Variants in TMEM65 observed in about 807,000 individuals in gnomAD.
The protein encoded by TMEM65 is transmembrane protein 65.
Under a neutral mutation model 25.4 loss-of-function variants are expected in TMEM65, and 22 were observed. The ratio of observed to expected loss-of-function variants is 0.86; its 90% CI spans 0.62 to 1.23. The LOEUF (loss-of-function observed/expected upper bound fraction) is 1.23, where lower values mean the gene tolerates loss of function less well. TMEM65 is among the 50% of genes most tolerant of loss of function. TMEM65 has a pLI of 0.00. For synonymous variants in TMEM65, 132 were observed against 126.2 expected (o/e 1.05, Z -0.31); for missense variants, 262 against 308.2 (o/e 0.85, Z 1.12).
intron 1 of TMEM65, among the ~76,000 whole-genome samples, chr8:124,370,466 A>T (rs1421687965): frequency 6.6e-6 from 1 of 152,234 alleles, no homozygotes; most frequent in Non-Finnish European, 1.5e-5. Context: ...CTGAGTGCAC[A>T]CATAGATTAC....
intron 1 of TMEM65, among the ~76,000 whole-genome samples, chr8:124,339,062 G>A (rs868512958): frequency 9.3e-5 from 14 of 150,624 alleles, no homozygotes; most frequent in African/African-American, 2.9e-4. Flanking sequence ...GGTGGCAGGC[G>A]CCTGTAGTCC....
At chr8:124,331,940 A>C (rs900686160) in intron 1 of TMEM65, among the ~76,000 whole-genome samples, 1 of 152,130 alleles carries the variant, frequency 6.6e-6, no homozygotes, top group African/African-American at 2.4e-5. Context: ...GGTATTTTCC[A>C]AGTTCCATAA....
intron 6 of TMEM65, among the ~76,000 whole-genome samples, chr8:124,317,156 T>C (rs903325659): frequency 3.3e-5 from 5 of 152,200 alleles, no homozygotes; most frequent in Non-Finnish European, 7.4e-5. Context: ...ATTTTGCAGG[T>C]AAAAATTGTT....
chr8:124,322,736 A>T (rs938347189), intron 4 of TMEM65, among the ~76,000 whole-genome samples: 1 of 152,026 alleles, frequency 6.6e-6, no homozygotes, highest in Non-Finnish European at 1.5e-5. Flanking sequence ...GGTGGCTCAC[A>T]TCTGTAATCC....
At chr8:124,322,056 GA>G in intron 5 of TMEM65, 48 bp downstream of exon 5, 1 of 1,339,528 alleles carries the variant, frequency 7.5e-7, no homozygotes, top group Non-Finnish European at 1.0e-6. Context: ...GTGGGGAACA[GA>G]AAGACAGCAA....
intron 2 of TMEM65, among the ~76,000 whole-genome samples, chr8:124,327,819 AT>A (rs1814385506): frequency 6.6e-6 from 1 of 152,162 alleles, no homozygotes; most frequent in Non-Finnish European, 1.5e-5. Flanking sequence ...GTCTGATATT[AT>A]AAAATCGATT....
intron 1 of TMEM65, among the ~76,000 whole-genome samples, chr8:124,331,144 ACTCTT>A (rs781019998): frequency 6.6e-6 from 1 of 151,778 alleles, no homozygotes; most frequent in Non-Finnish European, 1.5e-5. Flanking sequence ...AAATAAAGGT[ACTCTT>A]CTTTCAGATG....
Position 124,308,167 on chromosome 8 carries a change from A to G in TMEM65, c.*5793T>C, listed in dbSNP as rs944692137. The G allele has an allele frequency of 6.6e-6, 1 of 152,234 alleles. No individual in the cohort carries two copies. Among genetic ancestry groups the G allele is most frequent in the Non-Finnish European group, 1.5e-5 (1 of 68,062 alleles). 9.4% of individuals were successfully genotyped at this position (152,234 alleles called of 1,614,324 possible). A position where few individuals can be genotyped will look rare whatever the true frequency, so the allele number is the denominator to read the frequency against. ...TGAAGTCAGGAAGTACCTTGCCAGT[A>G]AAGGACTGCCTTTTAAAGTTGTTTT... On this transcript the variant is annotated 3_prime_UTR_variant, in exon 7 of 7. Coordinates refer to ENST00000297632, the MANE Select transcript of TMEM65 (RefSeq NM_194291.3).
intron 1 of TMEM65, among the ~76,000 whole-genome samples, chr8:124,361,083 T>C (rs1280916640): frequency 6.6e-6 from 1 of 152,220 alleles, no homozygotes. Flanking sequence ...CAAATACTGA[T>C]ACAAAACAGT....
At chr8:124,336,892 T>C (rs1166444873) in intron 1 of TMEM65, among the ~76,000 whole-genome samples, 2 of 151,694 alleles carry the variant, frequency 1.3e-5, no homozygotes, top group Non-Finnish European at 3.0e-5. Context: ...GCTATACTGA[T>C]AGACAAAAAG....
chr8:124,370,217 G>T (rs997855587), intron 1 of TMEM65, among the ~76,000 whole-genome samples: 8 of 152,244 alleles, frequency 5.3e-5, no homozygotes, highest in Middle Eastern at 6.8e-3. Context: ...AAATTATTCA[G>T]TCACCTTGCA....
In TMEM65 at chr8:124,311,396, A is replaced by G. The variant is rs79362569; in HGVS notation, c.*2564T>C. On this transcript the variant is annotated 3_prime_UTR_variant, in exon 7 of 7. Coordinates refer to ENST00000297632, the MANE Select transcript of TMEM65 (RefSeq NM_194291.3). ...ATCAAAACCACATTCCAAATTTCTT[A>G]AAAGATACTTTTTTTGTTCAATTCC... is the stretch of plus-strand genomic sequence containing the variant. 6.7e-4 allele frequency: 103 copies of G among 152,742 alleles called. No homozygotes were observed. Among genetic ancestry groups the G allele is most frequent in the African/African-American group, 2.5e-3 (103 of 41,556 alleles). The allele number at this position is 152,742 out of a possible 1,614,324, so 9.5% of individuals were successfully genotyped here. A position where few individuals can be genotyped will look rare whatever the true frequency, so the allele number is the denominator to read the frequency against.
At chr8:124,325,597 A>AT (rs1301959970) in intron 3 of TMEM65, among the ~76,000 whole-genome samples, 2 of 152,038 alleles carry the variant, frequency 1.3e-5, no homozygotes, top group African/African-American at 2.4e-5. Flanking sequence ...ATGGCCCATA[A>AT]GCCCCTGAAA....
chr8:124,349,744 A>T (rs1814682593), intron 1 of TMEM65, among the ~76,000 whole-genome samples: 1 of 152,138 alleles, frequency 6.6e-6, no homozygotes, highest in Non-Finnish European at 1.5e-5. Context: ...ATACTACTCT[A>T]AGTAGGGATA....
At chr8:124,339,222 A>AAAAAAAAAAAAAATATATAT (rs1563594368) in intron 1 of TMEM65, among the ~76,000 whole-genome samples, 1 of 19,904 alleles carries the variant, frequency 5.0e-5, no homozygotes, top group African/African-American at 2.6e-4. Flanking sequence ...AAAAAAAAAA[A>AAAAAAAAAAAAAATATATAT]ATATATATAT....
chr8:124,322,276 C>T, intron 4 of TMEM65, 129 bp from the exon 5 acceptor site: 2 of 603,504 alleles, frequency 3.3e-6, no homozygotes, highest in Admixed American at 6.9e-5. Flanking sequence ...TCCAAAGTAA[C>T]TCATTGGACA....
At chr8:124,332,875 G>A (rs1460419413) in intron 1 of TMEM65, among the ~76,000 whole-genome samples, 3 of 151,872 alleles carry the variant, frequency 2.0e-5, no homozygotes, top group African/African-American at 4.8e-5. Context: ...GCGCGATCTC[G>A]GCTCACTGCA....
Position 124,311,043 on chromosome 8 carries a change from A to G in TMEM65, c.*2917T>C, listed in dbSNP as rs1814152252. 1 of 152,202 alleles carries G rather than the reference A, an allele frequency of 6.6e-6. No homozygotes were observed. The highest frequency in any genetic ancestry group is 2.1e-4 in the South Asian group (1 of 4,832). The allele number at this position is 152,202 out of a possible 1,614,324, so 9.4% of individuals were successfully genotyped here. ...ATACAAACTTTTGGTATAAAAGATAAACTTCCATTACCTTCAAAATTTATG... is the reference window on the plus strand; with the variant it reads ...ATACAAACTTTTGGTATAAAAGATAGACTTCCATTACCTTCAAAATTTATG... On this transcript the variant is annotated 3_prime_UTR_variant, in exon 7 of 7. Coordinates refer to ENST00000297632, the MANE Select transcript of TMEM65 (RefSeq NM_194291.3).
chr8:124,346,586 C>T (rs890021624), intron 1 of TMEM65, among the ~76,000 whole-genome samples: 1 of 152,092 alleles, frequency 6.6e-6, no homozygotes, highest in African/African-American at 2.4e-5. Context: ...AGCAGCTTCA[C>T]CCTGAGATGA....
Sources: gnomAD v4.1 joint callset for allele counts (sites outside exome capture counted in the v4.1 genomes callset) on GRCh38, gnomAD v4.1.1 for gene constraint, MANE v1.5 for transcripts, NCBI Gene and HGNC (gene_info 2026-07-23, HGNC 2026-07-21) for gene names.